The following UBA6 variants were observed in gnomAD, a reference collection of about 807,000 sequenced individuals.
The protein encoded by UBA6 is ubiquitin like modifier activating enzyme 6.
In UBA6, 87 loss-of-function variants were observed where a neutral mutation model predicts 148.3. That is an observed-to-expected ratio of 0.59 (90% CI 0.49 to 0.70). The LOEUF is 0.70. Among genes scored for constraint, UBA6 ranks in the 30% least tolerant of loss-of-function variants. The probability of loss-of-function intolerance (pLI) is 0.00; values close to 1 mark genes in which losing one functional copy is unlikely to be tolerated. For missense variants in UBA6, 1,186 were observed against 1,241.2 expected (o/e 0.96, Z 0.67); for synonymous variants, 376 against 401.0 (o/e 0.94, Z 0.75).
At chr4:67,661,343 G>A (rs1560491453) in intron 13 of UBA6, among the ~76,000 whole-genome samples, 1 of 152,152 alleles carries the variant, frequency 6.6e-6, no homozygotes, top group Non-Finnish European at 1.5e-5. Context: ...TCAAGGGCAG[G>A]ACCACGTGGA....
chr4:67,694,709 T>C (rs1242272774), intron 2 of UBA6, among the ~76,000 whole-genome samples: 1 of 152,178 alleles, frequency 6.6e-6, no homozygotes, highest in Non-Finnish European at 1.5e-5. Context: ...ATCTTTGTAT[T>C]TCTACTAAGA....
intron 20 of UBA6, 61 bp downstream of exon 20, chr4:67,635,388 GTTGA>G (rs1332697753): frequency 9.9e-6 from 10 of 1,005,812 alleles, no homozygotes; most frequent in East Asian, 4.9e-5. Flanking sequence ...AAATCAAATT[GTTGA>G]TTAAGACAAA....
At chr4:67,686,678 G>A (rs193230290) in intron 2 of UBA6, among the ~76,000 whole-genome samples, 1 of 152,080 alleles carries the variant, frequency 6.6e-6, no homozygotes, top group Admixed American at 6.5e-5. Flanking sequence ...GTAGTAGGGT[G>A]CGATGGCTCA....
At chr4:67,693,875 T>G (rs1730758816) in intron 2 of UBA6, among the ~76,000 whole-genome samples, 1 of 152,092 alleles carries the variant, frequency 6.6e-6, no homozygotes, top group Admixed American at 6.6e-5. Context: ...TCCAAAGTCC[T>G]AGGTCTTATA....
At position 67,645,945 on chromosome 4, in the gene UBA6, AT is replaced by A; in HGVS notation, c.1387del (p.Ile463SerfsTer3). The A allele has an allele frequency of 6.3e-7, 1 of 1,583,968 alleles. No individual in the cohort carries two copies. The highest frequency in any genetic ancestry group is 8.6e-7 in the Non-Finnish European group (1 of 1,158,604). On this transcript the variant is annotated frameshift_variant, in exon 16 of 33. Transcript: ENST00000322244. LOFTEE classifies it high-confidence loss of function. ...TLCQKLQNLN[I>X]FLVGCGAIGC... Reference sequence around the variant, plus strand: ...ATGATTATTGATACTTACTAAGAAGATGTTTAAATTTTGCAGTTTCTGACAC... The same window carrying A: ...ATGATTATTGATACTTACTAAGAAGAGTTTAAATTTTGCAGTTTCTGACAC...
chr4:67,652,512 CA>C (rs1729576041), intron 13 of UBA6, among the ~76,000 whole-genome samples: 1 of 152,184 alleles, frequency 6.6e-6, no homozygotes, highest in Non-Finnish European at 1.5e-5. Flanking sequence ...AGCTACTTTG[CA>C]AAACAGTTTG....
chr4:67,685,181 CT>C (rs200026829), intron 2 of UBA6, among the ~76,000 whole-genome samples: 1,922 of 152,202 alleles, frequency 0.013, 41 homozygotes, highest in African/African-American at 0.042. Flanking sequence ...AGTCATTTCT[CT>C]TAATATTTAC....
intron 14 of UBA6, among the ~76,000 whole-genome samples, chr4:67,648,516 G>C (rs558629206): frequency 8.6e-4 from 130 of 151,666 alleles, no homozygotes; most frequent in African/African-American, 3.0e-3. Context: ...TATTCAAAAT[G>C]TTTATGGTGT....
intron 13 of UBA6, among the ~76,000 whole-genome samples, chr4:67,658,449 A>C (rs1476429103): frequency 6.6e-6 from 1 of 152,200 alleles, no homozygotes; most frequent in Non-Finnish European, 1.5e-5. Context: ...ACACAATGAA[A>C]CAGAAAACCA....
intron 8 of UBA6, among the ~76,000 whole-genome samples, chr4:67,669,583 G>A (rs549988580): frequency 6.6e-6 from 1 of 152,188 alleles, no homozygotes; most frequent in African/African-American, 2.4e-5. Flanking sequence ...AATATTAAAA[G>A]GGGATCATAA....
At chr4:67,666,878 A>C (rs1444381701) in intron 9 of UBA6, among the ~76,000 whole-genome samples, 5 of 152,224 alleles carry the variant, frequency 3.3e-5, no homozygotes, top group African/African-American at 1.2e-4. Context: ...CTATCTCAAA[A>C]AAAGAAGCAA....
intron 7 of UBA6, among the ~76,000 whole-genome samples, chr4:67,672,096 T>C (rs1037743953): frequency 6.6e-6 from 1 of 152,140 alleles, no homozygotes; most frequent in Non-Finnish European, 1.5e-5. Context: ...ACTACTGCAG[T>C]AACTGCTAAC....
intron 5 of UBA6, 150 bp from the exon 6 acceptor site, chr4:67,677,872 T>C (rs370291612): frequency 1.8e-4 from 88 of 502,838 alleles, no homozygotes; most frequent in Non-Finnish European, 4.2e-5. Context: ...CAAAACTTAC[T>C]TGTCTTTACA....
In UBA6 at chr4:67,662,220, G is replaced by C. The variant is rs756011530; in HGVS notation, c.1073C>G (p.Ala358Gly). The change falls in exon 13 of 33, where the codon GCA (alanine) becomes GGA (glycine). Residue 358 changes from alanine (A) to glycine (G), a missense_variant. By Grantham distance (60) the Ala-to-Gly change is moderately conservative (BLOSUM62 0). Transcript: ENST00000322244. The part of the protein sequence containing the change: ...QQDSEELLKL[A>G]TSISETLEEK... ...TTCCAAGGTTTCACTTATAGATGTT[G>C]CTAGTTTCAACAGTTCTTCTGAATC... 2.2e-5 allele frequency: 36 copies of C among 1,613,434 alleles called. No individual in the cohort carries two copies. The highest frequency in any genetic ancestry group is 2.9e-5 in the Non-Finnish European group (34 of 1,179,794).
intron 4 of UBA6, among the ~76,000 whole-genome samples, chr4:67,680,493 A>G (rs1730406898): frequency 6.6e-6 from 1 of 152,210 alleles, no homozygotes; most frequent in African/African-American, 2.4e-5. Context: ...TAGGCAAGGA[A>G]GGGAAATCTA....
intron 13 of UBA6, among the ~76,000 whole-genome samples, chr4:67,656,334 G>C (rs898188179): frequency 6.6e-6 from 1 of 152,182 alleles, no homozygotes; most frequent in Non-Finnish European, 1.5e-5. Flanking sequence ...TATCCAACAT[G>C]ATCAACTCGG....
chr4:67,636,737 A>G (rs1235794248), intron 19 of UBA6, among the ~76,000 whole-genome samples: 1 of 152,134 alleles, frequency 6.6e-6, no homozygotes, highest in African/African-American at 2.4e-5. Flanking sequence ...GATCTCGGCT[A>G]GCTACAACCT....
At chr4:67,621,868 T>A (rs970964818) in intron 32 of UBA6, among the ~76,000 whole-genome samples, 4 of 151,874 alleles carry the variant, frequency 2.6e-5, no homozygotes, top group African/African-American at 9.7e-5. Flanking sequence ...AGGACAGTAA[T>A]AAGTGCTCTG....
At chr4:67,673,186 G>A (rs1730190970) in intron 7 of UBA6, among the ~76,000 whole-genome samples, 1 of 152,104 alleles carries the variant, frequency 6.6e-6, no homozygotes, top group Non-Finnish European at 1.5e-5. Flanking sequence ...GCTGGGCGCA[G>A]TGGCTCACCT....
Sources: gnomAD v4.1 joint callset for allele counts (sites outside exome capture counted in the v4.1 genomes callset) on GRCh38, gnomAD v4.1.1 for gene constraint, MANE v1.5 for transcripts, NCBI Gene and HGNC (gene_info 2026-07-23, HGNC 2026-07-21) for gene names.